Variants in RUNX2 observed in about 807,000 individuals in gnomAD.
RUNX2 encodes runt-related transcription factor 2.
In RUNX2, 10 loss-of-function variants were observed where a neutral mutation model predicts 51.7. That is an observed-to-expected ratio of 0.19 (90% CI 0.12 to 0.33). RUNX2 has a LOEUF of 0.33. RUNX2 is among the 10% of genes least tolerant of loss of function. The probability of loss-of-function intolerance (pLI) is 1.00; values close to 1 mark genes in which losing one functional copy is unlikely to be tolerated. For synonymous variants in RUNX2, 276 were observed against 273.6 expected (o/e 1.01, Z -0.09); for missense variants, 562 against 691.3 (o/e 0.81, Z 2.10).
chr6:45,379,307 A>T (rs1024519516), intron 2 of RUNX2, among the ~76,000 whole-genome samples: 6 of 152,230 alleles, frequency 3.9e-5, no homozygotes, highest in Non-Finnish European at 8.8e-5. Flanking sequence ...TATGGTGATA[A>T]CTTCTTACAT....
At chr6:45,374,953 T>G (rs554022056) in intron 2 of RUNX2, among the ~76,000 whole-genome samples, 1 of 152,324 alleles carries the variant, frequency 6.6e-6, no homozygotes, top group South Asian at 2.1e-4. Flanking sequence ...ACACCTGTAA[T>G]CCCAGAACTT....
In RUNX2 at chr6:45,547,355, ATC is replaced by A. The variant is rs1339998588; in HGVS notation, c.*51_*52del. 7.5e-7 allele frequency: 1 copy of A among 1,325,336 alleles called. No individual in the cohort carries two copies. Among genetic ancestry groups the A allele is most frequent in the Non-Finnish European group, 1.1e-6 (1 of 918,894 alleles). 82.1% of individuals were successfully genotyped at this position (1,325,336 alleles called of 1,614,324 possible). On this transcript the variant is annotated 3_prime_UTR_variant, in exon 9 of 9. Coordinates refer to ENST00000647337, the MANE Select transcript of RUNX2 (RefSeq NM_001024630.4). ...TATCTGGGGGCCACATCCCACACGT[ATC>A]AATATATACATATATAGAGAGAGTG...
intron 3 of RUNX2, among the ~76,000 whole-genome samples, chr6:45,427,379 A>G (rs1798412690): frequency 6.6e-6 from 1 of 152,082 alleles, no homozygotes; most frequent in African/African-American, 2.4e-5. Context: ...ATTTTTATCA[A>G]AATTTATCTT....
chr6:45,527,177 G>T (rs1437246371), intron 7 of RUNX2, among the ~76,000 whole-genome samples: 1 of 152,168 alleles, frequency 6.6e-6, no homozygotes, highest in African/African-American at 2.4e-5. Context: ...AAGACTGTGG[G>T]GTGTTTGAGA....
chr6:45,378,004 G>A (rs1797063619), intron 2 of RUNX2: 1 of 152,234 alleles, frequency 6.6e-6, no homozygotes, highest in Non-Finnish European at 1.5e-5. Context: ...TGCGGAGACT[G>A]AGGAGTAAGC....
intron 5 of RUNX2, among the ~76,000 whole-genome samples, chr6:45,453,070 A>G (rs1019771216): frequency 1.3e-5 from 2 of 151,858 alleles, no homozygotes; most frequent in African/African-American, 4.8e-5. Flanking sequence ...GGCACTTCTG[A>G]TGTCCTTCTT....
intron 2 of RUNX2, among the ~76,000 whole-genome samples, chr6:45,337,540 C>T (rs958994074): frequency 2.6e-5 from 4 of 151,784 alleles, no homozygotes; most frequent in African/African-American, 2.4e-5. Flanking sequence ...TCTTTTGCTA[C>T]GCCATAATGA....
intron 2 of RUNX2, among the ~76,000 whole-genome samples, chr6:45,363,859 T>C (rs1794685762): frequency 6.6e-6 from 1 of 151,940 alleles, no homozygotes; most frequent in Non-Finnish European, 1.5e-5. Context: ...TATTAACATA[T>C]AACAGGTTTA....
At chr6:45,349,017 T>C (rs1791495400) in intron 2 of RUNX2, among the ~76,000 whole-genome samples, 2 of 152,232 alleles carry the variant, frequency 1.3e-5, no homozygotes, top group Admixed American at 1.3e-4. Flanking sequence ...AATGAATTTA[T>C]GAGTGGAAAG....
intron 5 of RUNX2, among the ~76,000 whole-genome samples, chr6:45,444,060 G>A (rs1390615223): frequency 6.6e-6 from 1 of 152,038 alleles, no homozygotes; most frequent in African/African-American, 2.4e-5. Context: ...CATGTTGGCC[G>A]ACTGATATCG....
chr6:45,528,475 G>A (rs902247070), intron 7 of RUNX2, among the ~76,000 whole-genome samples: 1 of 152,206 alleles, frequency 6.6e-6, no homozygotes, highest in Admixed American at 6.5e-5. Flanking sequence ...ACAAAAATTA[G>A]TCGGGTGTGG....
At chr6:45,334,500 A>T (rs190499909) in intron 2 of RUNX2, among the ~76,000 whole-genome samples, 31 of 150,910 alleles carry the variant, frequency 2.1e-4, no homozygotes, top group Admixed American at 2.0e-3. Context: ...AAATCACAAT[A>T]ACAATCATCA....
intron 5 of RUNX2, among the ~76,000 whole-genome samples, chr6:45,467,320 C>T (rs754306563): frequency 3.0e-4 from 45 of 152,162 alleles, no homozygotes; most frequent in South Asian, 2.1e-4. Context: ...CTCCCTCTGT[C>T]GCTCAGGCTG....
intron 2 of RUNX2, among the ~76,000 whole-genome samples, chr6:45,331,889 A>G (rs1014907264): frequency 6.6e-6 from 1 of 152,042 alleles, no homozygotes; most frequent in Admixed American, 6.6e-5. Context: ...CAGTCATGCT[A>G]AAGTTAAATT....
rs1464671906 is a variant in RUNX2 at position 45,480,886 on chromosome 6, CT to C, written c.686-11054del. ...CTTTTTTCTTCCTCTGTGATCTTCT[CT>C]GCCATTCAGCACAGCAAGACCAGGC... On this transcript the variant is annotated intron_variant, in intron 5 of 8. Coordinates refer to ENST00000647337, the MANE Select transcript of RUNX2 (RefSeq NM_001024630.4). 3.3e-5 allele frequency among the ~76,000 whole-genome samples: 5 copies of C among 152,206 alleles called. No individual in the cohort carries two copies. The East Asian group carries it at 9.6e-4, about 29-fold the overall frequency.
intron 2 of RUNX2, among the ~76,000 whole-genome samples, chr6:45,343,082 C>T (rs1367524040): frequency 6.6e-6 from 1 of 152,202 alleles, no homozygotes; most frequent in Non-Finnish European, 1.5e-5. Flanking sequence ...AGTGTCTACA[C>T]TGATCTGACA....
intron 2 of RUNX2, among the ~76,000 whole-genome samples, chr6:45,352,801 C>T (rs1554359108): frequency 6.6e-6 from 1 of 151,972 alleles, no homozygotes; most frequent in Non-Finnish European, 1.5e-5. Flanking sequence ...TTCTTTATTA[C>T]TTATATTGCA....
At chr6:45,471,422 C>T (rs1799796851) in intron 5 of RUNX2, among the ~76,000 whole-genome samples, 1 of 151,084 alleles carries the variant, frequency 6.6e-6, no homozygotes, top group African/African-American at 2.4e-5. Flanking sequence ...ACCTACATCC[C>T]TCGCCCCAGA....
chr6:45,393,905 G>A (rs1797527022), intron 2 of RUNX2, among the ~76,000 whole-genome samples: 1 of 151,156 alleles, frequency 6.6e-6, no homozygotes, highest in African/African-American at 2.4e-5. Flanking sequence ...TAGGGTTGGG[G>A]TTGGGTAGGG....
Sources: allele counts gnomAD v4.1 joint callset (sites outside exome capture counted in the v4.1 genomes callset), GRCh38; gene constraint gnomAD v4.1.1; transcripts MANE v1.5; gene names NCBI Gene and HGNC (gene_info 2026-07-23, HGNC 2026-07-21).